AKAP10: variants seen among roughly 807,000 people sequenced by gnomAD.
AKAP10 encodes A-kinase anchor protein 10, mitochondrial.
A neutral mutation model predicts 80.8 loss-of-function variants in AKAP10; 24 were observed. That is an observed-to-expected ratio of 0.30 (90% CI 0.22 to 0.42). The LOEUF (loss-of-function observed/expected upper bound fraction) is 0.42, where lower values mean the gene tolerates loss of function less well. Ranked by LOEUF, AKAP10 falls within the 10% of genes least tolerant of loss-of-function variation. The pLI is 1.00. For missense variants in AKAP10, 661 were observed against 794.9 expected (o/e 0.83, Z 2.03); for synonymous variants, 291 against 277.7 (o/e 1.05, Z -0.48).
chr17:19,909,407 G>C (rs2042666440), intron 13 of AKAP10, 131 bp from the exon 14 acceptor site: 2 of 830,528 alleles, frequency 2.4e-6, no homozygotes, highest in Non-Finnish European at 3.5e-6. Context: ...TCATTCCCAT[G>C]TACGAAAAAA....
intron 10 of AKAP10, among the ~76,000 whole-genome samples, chr17:19,930,403 A>G (rs997447834): frequency 1.3e-4 from 20 of 152,170 alleles, no homozygotes; most frequent in African/African-American, 4.3e-4. Flanking sequence ...ATGGTTTAAC[A>G]TATGAAAGCA....
chr17:19,943,127 G>A (rs770508221), intron 5 of AKAP10, among the ~76,000 whole-genome samples: 3 of 152,046 alleles, frequency 2.0e-5, no homozygotes, highest in Non-Finnish European at 2.9e-5. Flanking sequence ...GGCCTGAAAC[G>A]ATCCTCCTGC....
chr17:19,910,983 C>T (rs992632103), intron 12 of AKAP10, among the ~76,000 whole-genome samples: 1 of 152,204 alleles, frequency 6.6e-6, no homozygotes, highest in Admixed American at 6.5e-5. Context: ...TGCTCACTTC[C>T]TAACTTTGCT....
intron 12 of AKAP10, among the ~76,000 whole-genome samples, chr17:19,911,518 G>A (rs2042689248): frequency 1.3e-5 from 2 of 152,098 alleles, no homozygotes; most frequent in South Asian, 4.2e-4. Context: ...CTACTGACAG[G>A]GAAAAGCATC....
At chr17:19,973,195 G>A (rs912739029) in intron 1 of AKAP10, among the ~76,000 whole-genome samples, 10 of 152,108 alleles carry the variant, frequency 6.6e-5, no homozygotes, top group Admixed American at 1.3e-4. Flanking sequence ...GGCCAGGCTG[G>A]TCTCAAACTC....
intron 5 of AKAP10, among the ~76,000 whole-genome samples, chr17:19,946,884 G>C (rs1257637722): frequency 1.3e-5 from 2 of 152,120 alleles, no homozygotes; most frequent in African/African-American, 4.8e-5. Context: ...GGGTGCCCAG[G>C]GACGTCAGGC....
rs766245423 is a variant in AKAP10 at position 19,924,376 on chromosome 17, T to C, written c.1751+32A>G. The C allele has an allele frequency of 2.1e-5, 30 of 1,439,670 alleles. 1 individual carries two copies. In the Middle Eastern group the frequency reaches 5.4e-4, roughly 26 times the overall value. The allele number at this position is 1,439,670 out of a possible 1,614,324, so 89.2% of individuals were successfully genotyped here. On this transcript the variant is annotated intron_variant, in intron 11 of 14. Transcript: ENST00000225737. Reference sequence around the variant, plus strand: ...TTAAAAGATGCAAAGTTATTTACACTTGTAAAAATTCTAGGCATGAGCTAA... The same window carrying C: ...TTAAAAGATGCAAAGTTATTTACACCTGTAAAAATTCTAGGCATGAGCTAA...
intron 3 of AKAP10, among the ~76,000 whole-genome samples, chr17:19,962,295 T>TACACAC (rs36115670): frequency 7.2e-5 from 9 of 125,140 alleles, no homozygotes; most frequent in East Asian, 4.6e-4. Context: ...TACATACATA[T>TACACAC]ACACACACAC....
rs561480848 is a variant in AKAP10, at chr17:19,970,452, G to A, written c.89-1991C>T. 3.9e-5 allele frequency among the ~76,000 whole-genome samples: 6 copies of A among 152,214 alleles called. No homozygotes were observed. The East Asian group carries it at 9.6e-4, about 24-fold the overall frequency. On this transcript the variant is annotated intron_variant, in intron 1 of 14. Transcript: ENST00000225737. ...GCTTTATTTCCTTCTGTCCCCCTAA[G>A]TATTATACATAGACTTTAGAGTTCC...
At chr17:19,967,111 A>G (rs967324060) in intron 2 of AKAP10, among the ~76,000 whole-genome samples, 2 of 152,180 alleles carry the variant, frequency 1.3e-5, no homozygotes, top group Non-Finnish European at 2.9e-5. Flanking sequence ...AAAAATCTAA[A>G]TAAGTAGCAA....
intron 8 of AKAP10, among the ~76,000 whole-genome samples, chr17:19,939,116 C>T (rs953719863): frequency 2.0e-5 from 3 of 152,174 alleles, no homozygotes; most frequent in African/African-American, 7.2e-5. Flanking sequence ...TCATCATCTG[C>T]CTGACCAGAT....
chr17:19,935,465 T>C (rs2042982665), intron 9 of AKAP10, among the ~76,000 whole-genome samples: 1 of 152,216 alleles, frequency 6.6e-6, no homozygotes. Context: ...TTTTCTTTAA[T>C]AATAAATTAG....
At chr17:19,972,645 C>T (rs1490778564) in intron 1 of AKAP10, among the ~76,000 whole-genome samples, 7 of 152,138 alleles carry the variant, frequency 4.6e-5, no homozygotes, top group South Asian at 4.1e-4. Context: ...TTAGTAGAGA[C>T]GGGGTTTCAC....
intron 5 of AKAP10, among the ~76,000 whole-genome samples, chr17:19,946,227 TA>T (rs1567765377): frequency 1.3e-4 from 3 of 22,490 alleles, no homozygotes; most frequent in African/African-American, 1.8e-4. Flanking sequence ...ATATTTTATA[TA>T]TATATATATT....
Position 19,916,146 on chromosome 17 carries a change from G to A in AKAP10, c.1834+3890C>T, listed in dbSNP as rs138003415. ...ACATGCTGCCTGGGCTTACGCCCCC[G>A]CTGCGCTCAGGTCTACTCAAAATGC... On this transcript the variant is annotated intron_variant, in intron 12 of 14. Transcript: ENST00000225737. Among the ~76,000 whole-genome samples the A allele has an allele frequency of 2.7e-3, 404 of 152,252 alleles. 1 individual carries two copies. Among genetic ancestry groups the A allele is most frequent in the African/African-American group, 9.2e-3 (381 of 41,554 alleles).
At chr17:19,916,458 T>C (rs1386831239) in intron 12 of AKAP10, among the ~76,000 whole-genome samples, 1 of 152,092 alleles carries the variant, frequency 6.6e-6, no homozygotes, top group Non-Finnish European at 1.5e-5. Context: ...CGAGCAGAGA[T>C]AGTGGTTTGG....
At chr17:19,950,145 A>T (rs1003815601) in intron 4 of AKAP10, among the ~76,000 whole-genome samples, 1 of 152,244 alleles carries the variant, frequency 6.6e-6, no homozygotes, top group African/African-American at 2.4e-5. Flanking sequence ...TCTACTAAAA[A>T]TACAAAAAAA....
In AKAP10 at chr17:19,905,529, C is replaced by A. The variant is rs977573374; in HGVS notation, c.*698G>T. 7 of 152,518 alleles carry A rather than the reference C, an allele frequency of 4.6e-5. No individual in the cohort carries two copies. The highest frequency in any genetic ancestry group is 1.7e-4 in the African/African-American group (7 of 41,422). The allele number at this position is 152,518 out of a possible 1,614,324, so 9.4% of individuals were successfully genotyped here. On this transcript the variant is annotated 3_prime_UTR_variant, in exon 15 of 15. Coordinates refer to ENST00000225737, the MANE Select transcript of AKAP10 (RefSeq NM_007202.4). ...TGCTCAAAGTAAACCAGATTCACAC[C>A]CTTCTGTTAGCAGGGGAGAGAATGG...
At chr17:19,906,274 C>T in intron 14 of AKAP10, 42 bp from the exon 15 acceptor site, 1 of 1,589,238 alleles carries the variant, frequency 6.3e-7, no homozygotes, top group Non-Finnish European at 8.6e-7. Flanking sequence ...GTGCATTTCT[C>T]TAACAAGTGA....
Sources: allele counts gnomAD v4.1 joint callset (sites outside exome capture counted in the v4.1 genomes callset), GRCh38; gene constraint gnomAD v4.1.1; transcripts MANE v1.5; gene names NCBI Gene and HGNC (gene_info 2026-07-23, HGNC 2026-07-21).